The following APP variants were observed in gnomAD, a reference collection of about 807,000 sequenced individuals.
APP encodes amyloid-beta precursor protein.
In APP, 31 loss-of-function variants were observed where a neutral mutation model predicts 101.4. The ratio of observed to expected loss-of-function variants is 0.31; its 90% CI spans 0.23 to 0.41. The LOEUF (loss-of-function observed/expected upper bound fraction) is 0.41. Ranked by LOEUF, APP falls within the 10% of genes least tolerant of loss-of-function variation. The pLI is 1.00. For synonymous variants in APP, 366 were observed against 364.4 expected (o/e 1.00, Z -0.05); for missense variants, 839 against 1,003.7 (o/e 0.84, Z 2.22).
At chr21:25,901,398 C>CAA (rs34245275) in intron 15 of APP, among the ~76,000 whole-genome samples, 176 of 147,602 alleles carry the variant, frequency 1.2e-3, no homozygotes, top group Non-Finnish European at 1.9e-3. Context: ...TTTGGTGGTC[C>CAA]AAAAAAAAAA....
At chr21:26,023,350 T>C (rs2044428540) in intron 5 of APP, among the ~76,000 whole-genome samples, 1 of 138,134 alleles carries the variant, frequency 7.2e-6, no homozygotes, top group Non-Finnish European at 1.5e-5. Flanking sequence ...GGCCACACGG[T>C]GAGACCCTGT....
intron 2 of APP, among the ~76,000 whole-genome samples, chr21:26,097,476 A>G (rs1040335125): frequency 3.3e-5 from 5 of 150,540 alleles, no homozygotes; most frequent in Non-Finnish European, 5.9e-5. Context: ...TATCTCTTAA[A>G]TAAGATATTC....
intron 15 of APP, among the ~76,000 whole-genome samples, chr21:25,903,998 T>C (rs1168534964): frequency 0.013 from 1 of 78 alleles, no homozygotes; most frequent in Non-Finnish European, 0.022. Flanking sequence ...GTGGGTCTCC[T>C]GGTCTGCTGC....
At chr21:26,002,183 GATC>G (rs1045351161) in intron 6 of APP, among the ~76,000 whole-genome samples, 6 of 152,212 alleles carry the variant, frequency 3.9e-5, no homozygotes, top group African/African-American at 1.2e-4. Context: ...AAGAGTGTCA[GATC>G]ATCTTCATGT....
At chr21:26,155,484 C>T (rs2063357182) in intron 1 of APP, among the ~76,000 whole-genome samples, 1 of 152,076 alleles carries the variant, frequency 6.6e-6, no homozygotes. Context: ...TCCTATTATA[C>T]CTCTACTGGA....
intron 15 of APP, among the ~76,000 whole-genome samples, chr21:25,903,958 C>T (rs1319883595): frequency 2.0e-5 from 3 of 148,454 alleles, no homozygotes; most frequent in East Asian, 2.0e-4. Context: ...AGTCATGGCT[C>T]GAGCCTGTGG....
intron 13 of APP, among the ~76,000 whole-genome samples, chr21:25,949,844 G>C (rs971489804): frequency 6.6e-6 from 1 of 152,202 alleles, no homozygotes; most frequent in African/African-American, 2.4e-5. Flanking sequence ...AAAGAACACA[G>C]ATTTTGGACT....
intron 8 of APP, among the ~76,000 whole-genome samples, chr21:25,988,303 G>A (rs1225453123): frequency 6.6e-6 from 1 of 152,244 alleles, no homozygotes; most frequent in Non-Finnish European, 1.5e-5. Context: ...TAAGGATTCT[G>A]AGGGACCAGC....
intron 8 of APP, among the ~76,000 whole-genome samples, chr21:25,992,737 C>T (rs1335591556): frequency 6.6e-6 from 1 of 152,220 alleles, no homozygotes; most frequent in Admixed American, 6.5e-5. Context: ...TATACTGGCA[C>T]TGACGTGACA....
intron 1 of APP, among the ~76,000 whole-genome samples, 199 bp downstream of exon 1, chr21:26,170,365 G>C (rs771292349): frequency 6.6e-6 from 1 of 152,114 alleles, no homozygotes; most frequent in Non-Finnish European, 1.5e-5. Context: ...CCCTCTCAGC[G>C]GGCCGGAGCG....
At chr21:26,118,022 T>C (rs1331488732) in intron 1 of APP, among the ~76,000 whole-genome samples, 2 of 152,148 alleles carry the variant, frequency 1.3e-5, no homozygotes, top group East Asian at 1.9e-4. Flanking sequence ...TGATATTAGA[T>C]TGGTGCAAAA....
chr21:25,933,952 A>G (rs2040254224), intron 13 of APP: 1 of 152,232 alleles, frequency 6.6e-6, no homozygotes, highest in African/African-American at 2.4e-5. Flanking sequence ...CCCCCAAAAT[A>G]TATGTTGAAG....
chr21:25,927,002 CAAAAAAAAA>C (rs36048306), intron 13 of APP, among the ~76,000 whole-genome samples: 5 of 67,272 alleles, frequency 7.4e-5, no homozygotes, highest in Admixed American at 2.5e-4. Context: ...GACTCCGTCT[CAAAAAAAAA>C]AAAAAAAAAA....
intron 9 of APP, among the ~76,000 whole-genome samples, chr21:25,979,875 T>TA (rs371353790): frequency 1 from 152,084 of 152,084 alleles, 76,042 homozygotes; most frequent in Non-Finnish European, 1. Flanking sequence ...ACTTGAGGTC[T>TA]CAAGGTTTCT....
At chr21:25,960,397 G>A (rs1216804362) in intron 11 of APP, among the ~76,000 whole-genome samples, 3 of 152,138 alleles carry the variant, frequency 2.0e-5, no homozygotes, top group Non-Finnish European at 4.4e-5. Flanking sequence ...CAGACTCCCA[G>A]TAAAACTTGT....
At chr21:26,115,796 G>C (rs751986219) in intron 1 of APP, among the ~76,000 whole-genome samples, 1 of 152,064 alleles carries the variant, frequency 6.6e-6, no homozygotes, top group Non-Finnish European at 1.5e-5. Flanking sequence ...GTCTTACAAA[G>C]TCATCCTAAA....
chr21:25,952,476 C>G (rs1475610707), intron 13 of APP, among the ~76,000 whole-genome samples: 1 of 151,336 alleles, frequency 6.6e-6, no homozygotes, highest in Non-Finnish European at 1.5e-5. Context: ...CTGCCCTATT[C>G]TTGGGCATTT....
intron 7 of APP, 89 bp from the exon 8 acceptor site, chr21:25,997,505 C>A: frequency 1.7e-6 from 2 of 1,180,566 alleles, no homozygotes; most frequent in South Asian, 1.2e-5. Context: ...GACAAAAAAA[C>A]AACCTAACAA....
chr21:26,066,455 C>T (rs539222240), intron 3 of APP, among the ~76,000 whole-genome samples: 1 of 151,996 alleles, frequency 6.6e-6, no homozygotes, highest in African/African-American at 2.4e-5. Context: ...CACCATTAAA[C>T]AACTCCCCAT....
Sources: gnomAD v4.1 joint callset for allele counts (sites outside exome capture counted in the v4.1 genomes callset) on GRCh38, gnomAD v4.1.1 for gene constraint, MANE v1.5 for transcripts, NCBI Gene and HGNC (gene_info 2026-07-23, HGNC 2026-07-21) for gene names.